Variants in POC1B observed in about 807,000 individuals in gnomAD.
POC1B encodes the protein POC1 centriolar protein homolog B.
A neutral mutation model predicts 60.6 loss-of-function variants in POC1B; 44 were observed. The observed-to-expected ratio is 0.73, with a 90% CI of 0.57 to 0.93. The LOEUF is 0.93. POC1B is among the 40% of genes least tolerant of loss of function. The pLI is 0.00. For synonymous variants in POC1B, 180 were observed against 198.9 expected, an observed-to-expected ratio of 0.90 and a Z score of 0.80; for missense variants, 555 against 572.3, an observed-to-expected ratio of 0.97 and a Z score of 0.31.
intron 2 of POC1B, chr12:89,524,444 C>T (rs747670027): frequency 6.2e-7 from 1 of 1,613,872 alleles, no homozygotes. Context: ...CCGGCTCCTG[C>T]GGAGGCATGA....
chr12:89,478,410 C>T (rs764597047), intron 4 of POC1B, among the ~76,000 whole-genome samples: 18 of 152,178 alleles, frequency 1.2e-4, no homozygotes, highest in Non-Finnish European at 2.1e-4. Flanking sequence ...TTAAACACCA[C>T]GCCTGGCCCC....
chr12:89,427,158 T>A (rs150384409), intron 10 of POC1B: 1 of 152,166 alleles, frequency 6.6e-6, no homozygotes, highest in Admixed American at 6.5e-5. Context: ...TGTAAAACTA[T>A]AGTAATTAAG....
intron 8 of POC1B, 98 bp from the exon 9 acceptor site, chr12:89,467,020 G>A: frequency 1.1e-6 from 1 of 883,764 alleles, no homozygotes; most frequent in Admixed American, 3.0e-5. Context: ...GTCTCCCAAA[G>A]TAGGAAGGGT....
chr12:89,404,024 C>T, the POC1B span, among the ~76,000 whole-genome samples: 2 of 151,584 alleles, frequency 1.3e-5, no homozygotes, highest in South Asian at 2.1e-4. Flanking sequence ...CCCAGCTACT[C>T]GGGAGGCTGA....
At position 89,497,247 on chromosome 12, in the gene POC1B, C is replaced by T. The variant is rs141485649; in HGVS notation, c.196G>A (p.Val66Met). 182 of 1,613,738 alleles carry T rather than the reference C, an allele frequency of 1.1e-4. No individual in the cohort carries two copies. The African/African-American group carries it at 2.0e-3, about 18-fold the overall frequency. ...YVGHKDVVTS[V>M]QFSPHGNLLA... is the part of the protein sequence containing the mutation. ...AAGTTTCCATGTGGAGAAAACTGCA[C>T]GCTGGTTACAACATCCTTGTGACCC... Residue 66 changes from valine to methionine, a missense_variant, in exon 3 of 12, where the codon GTG becomes ATG. Coordinates refer to ENST00000313546, the MANE Select transcript of POC1B (RefSeq NM_172240.3).
At chr12:89,515,497 G>C (rs1056903492) in intron 2 of POC1B, among the ~76,000 whole-genome samples, 1 of 152,062 alleles carries the variant, frequency 6.6e-6, no homozygotes, top group Non-Finnish European at 1.5e-5. Context: ...TATTTTGTGT[G>C]GGGGTGGAAT....
intron 9 of POC1B, among the ~76,000 whole-genome samples, chr12:89,462,416 G>A (rs928757927): frequency 1.3e-5 from 2 of 152,126 alleles, no homozygotes; most frequent in African/African-American, 2.4e-5. Context: ...ATGAGGTAAA[G>A]GTTAGCCTGT....
intron 4 of POC1B, chr12:89,472,825 G>A (rs1395284708): frequency 6.5e-6 from 1 of 152,684 alleles, no homozygotes; most frequent in Non-Finnish European, 1.5e-5. Context: ...CCAATGGACT[G>A]AAAATAGGAC....
intron 10 of POC1B, among the ~76,000 whole-genome samples, chr12:89,457,473 G>A (rs1182022853): frequency 6.6e-6 from 1 of 152,170 alleles, no homozygotes; most frequent in Non-Finnish European, 1.5e-5. Context: ...TCTTCAGAAT[G>A]CACTATTAAA....
intron 4 of POC1B, among the ~76,000 whole-genome samples, chr12:89,482,260 G>A (rs1385077811): frequency 6.6e-6 from 1 of 152,052 alleles, no homozygotes; most frequent in Non-Finnish European, 1.5e-5. Flanking sequence ...TGAACTTGAG[G>A]ATAAGGCAAT....
chr12:89,470,493 A>C lies in POC1B; in HGVS notation c.678T>G (p.Val226=). 1 of 1,597,774 alleles carries C rather than the reference A, an allele frequency of 6.3e-7. No homozygotes were observed. The highest frequency in any genetic ancestry group is 8.6e-7 in the Non-Finnish European group (1 of 1,169,408). The change falls in exon 7 of 12, where the codon GTT becomes GTG. Residue 226 remains valine (V), a splice_region_variant and synonymous_variant. Transcript: ENST00000313546. Reference sequence around the variant, plus strand: ...ATATGCAATTAACTCCACCGCTGTGAACTGATTTGTAGAAAATAAAAGCAA... The same window carrying C: ...ATATGCAATTAACTCCACCGCTGTGCACTGATTTGTAGAAAATAAAAGCAA... ...RVNKLLQHYQ[V]HSGGVNCISF...
chr12:89,434,826 A>G (rs1881185586), intron 10 of POC1B, among the ~76,000 whole-genome samples: 1 of 152,248 alleles, frequency 6.6e-6, no homozygotes, highest in Admixed American at 6.5e-5. Context: ...GCAAAGATCT[A>G]TAGTTATCTT....
chr12:89,471,770 T>C, intron 5 of POC1B, 41 bp from the exon 6 acceptor site: 1 of 795,994 alleles, frequency 1.3e-6, no homozygotes, highest in Non-Finnish European at 1.8e-6. Flanking sequence ...TTCAATTTCT[T>C]TTTTTTTTTT....
At chr12:89,472,093 T>C (rs899777216) in intron 5 of POC1B, 75 bp downstream of exon 5, 4 of 1,009,436 alleles carry the variant, frequency 4.0e-6, no homozygotes, top group South Asian at 1.5e-5. Flanking sequence ...TACTCATTTA[T>C]TTATTTAAAT....
intron 2 of POC1B, among the ~76,000 whole-genome samples, chr12:89,505,633 C>T (rs1005293687): frequency 2.0e-4 from 31 of 152,292 alleles, no homozygotes; most frequent in African/African-American, 7.2e-4. Flanking sequence ...TTATGCTTCT[C>T]ACTCTGGGTT....
At chr12:89,465,303 G>C (rs1592605167) in intron 9 of POC1B, among the ~76,000 whole-genome samples, 2 of 152,134 alleles carry the variant, frequency 1.3e-5, no homozygotes, top group South Asian at 4.1e-4. Context: ...AAAATGGCTT[G>C]AGTCTCTGTG....
At chr12:89,424,093 T>A (rs141725094) in intron 11 of POC1B, among the ~76,000 whole-genome samples, 1 of 152,234 alleles carries the variant, frequency 6.6e-6, no homozygotes, top group Non-Finnish European at 1.5e-5. Context: ...ATGATTTTCA[T>A]TGAGCAAATC....
At chr12:89,456,418 A>G (rs1882262633) in intron 10 of POC1B, among the ~76,000 whole-genome samples, 1 of 152,190 alleles carries the variant, frequency 6.6e-6, no homozygotes, top group South Asian at 2.1e-4. Flanking sequence ...GCCACACCAC[A>G]TGTCAATGCT....
At chr12:89,431,789 A>G (rs1232146523) in intron 10 of POC1B, among the ~76,000 whole-genome samples, 2 of 152,220 alleles carry the variant, frequency 1.3e-5, no homozygotes, top group Non-Finnish European at 2.9e-5. Flanking sequence ...TAGTGGTTTA[A>G]AACAACATAG....
Sources: gnomAD v4.1 joint callset for allele counts (sites outside exome capture counted in the v4.1 genomes callset) on GRCh38, gnomAD v4.1.1 for gene constraint, MANE v1.5 for transcripts, NCBI Gene and HGNC (gene_info 2026-07-23, HGNC 2026-07-21) for gene names.